KIF4A: variants seen among roughly 807,000 people sequenced by gnomAD.
The protein encoded by KIF4A is chromosome-associated kinesin KIF4A.
KIF4A carries 7 observed loss-of-function variants against 105.9 expected under a neutral mutation model. The observed-to-expected ratio is 0.07, with a 90% confidence interval of 0.04 to 0.12. The LOEUF (loss-of-function observed/expected upper bound fraction) is 0.12, where lower values mean the gene tolerates loss of function less well. Ranked by LOEUF, KIF4A falls within the 10% of genes least tolerant of loss-of-function variation. The pLI is 1.00. For synonymous variants in KIF4A, 281 were observed against 331.3 expected (o/e 0.85, Z 1.65); for missense variants, 558 against 929.2 (o/e 0.60, Z 5.19).
At chrX:70,294,551 C>T (rs964563868) in intron 3 of KIF4A, among the ~76,000 whole-genome samples, 4 of 112,331 alleles carry the variant, frequency 3.6e-5, no homozygotes, top group African/African-American at 9.7e-5. Context: ...AAACATGTAA[C>T]ATGTTGCACT....
intron 28 of KIF4A, among the ~76,000 whole-genome samples, chrX:70,408,396 C>CT (rs1279298220): frequency 8.9e-6 from 1 of 111,888 alleles, no homozygotes; most frequent in East Asian, 2.8e-4. Flanking sequence ...AACAATCCGA[C>CT]TTAGGCATGC....
At chrX:70,308,173 T>C (rs1055704362) in intron 7 of KIF4A, among the ~76,000 whole-genome samples, 5 of 112,365 alleles carry the variant, frequency 4.4e-5, no homozygotes, top group African/African-American at 1.3e-4. Context: ...CGTGGATACC[T>C]CATTTCCCAG....
intron 3 of KIF4A, among the ~76,000 whole-genome samples, chrX:70,296,198 C>T (rs928369232): frequency 3.0e-4 from 31 of 102,746 alleles, no homozygotes; most frequent in African/African-American, 1.1e-3. Flanking sequence ...GATTCTCCTG[C>T]CTCAGCCTCC....
intron 7 of KIF4A, among the ~76,000 whole-genome samples, chrX:70,322,173 A>G (rs766720450): frequency 2.6e-4 from 29 of 109,545 alleles, no homozygotes; most frequent in Non-Finnish European, 4.9e-4. Flanking sequence ...TCGAGCCCCT[A>G]TCTCATAAGT....
At chrX:70,340,415 T>C (rs1465979424) in intron 10 of KIF4A, among the ~76,000 whole-genome samples, 5 of 112,150 alleles carry the variant, frequency 4.5e-5, no homozygotes, top group African/African-American at 6.5e-5. Flanking sequence ...AACTTAAATA[T>C]GATTTTCCCA....
intron 18 of KIF4A, among the ~76,000 whole-genome samples, chrX:70,378,448 G>T (rs1293225249): frequency 8.9e-6 from 1 of 112,002 alleles, no homozygotes; most frequent in African/African-American, 3.2e-5. Flanking sequence ...GTAGAAATAG[G>T]CTGGGCGCGG....
chrX:70,382,790 CA>C (rs752261480), intron 18 of KIF4A, among the ~76,000 whole-genome samples: 1,607 of 54,219 alleles, frequency 0.03, 25 homozygotes, highest in African/African-American at 0.093. Context: ...CCATCTCTAA[CA>C]AAAAAAAAAA....
At chrX:70,322,354 C>T (rs1031260775) in intron 7 of KIF4A, among the ~76,000 whole-genome samples, 16 of 108,616 alleles carry the variant, frequency 1.5e-4, no homozygotes, top group African/African-American at 5.4e-4. Flanking sequence ...CTCTGTCGCC[C>T]AGGCTGAAGT....
intron 7 of KIF4A, among the ~76,000 whole-genome samples, chrX:70,315,209 G>A (rs183626560): frequency 2.7e-5 from 3 of 111,402 alleles, no homozygotes; most frequent in Admixed American, 1.9e-4. Context: ...AGAGGCTTGA[G>A]TTTTCTTGGT....
chrX:70,297,770 C>T (rs1012436650), intron 4 of KIF4A, among the ~76,000 whole-genome samples: 1 of 111,662 alleles, frequency 9.0e-6, no homozygotes, highest in African/African-American at 3.3e-5. Flanking sequence ...TATCTAACTT[C>T]ATAACATCAA....
intron 20 of KIF4A, among the ~76,000 whole-genome samples, chrX:70,391,469 G>A (rs1371602985): frequency 9.0e-6 from 1 of 111,679 alleles, no homozygotes; most frequent in Non-Finnish European, 1.9e-5. Context: ...CCTGATCTTA[G>A]GGGGAAAGCA....
At chrX:70,312,172 T>A (rs2048525483) in intron 7 of KIF4A, among the ~76,000 whole-genome samples, 1 of 90,763 alleles carries the variant, frequency 1.1e-5, no homozygotes, top group Admixed American at 1.4e-4. Flanking sequence ...TAAGACGGAG[T>A]GTCACTCTGT....
At position 70,381,334 on chromosome X, in the gene KIF4A, G is replaced by A. The variant is rs542830873; in HGVS notation, c.2034+5124G>A. 1.3e-3 allele frequency among the ~76,000 whole-genome samples: 147 copies of A among 111,530 alleles called. 2 individuals are homozygous for A. The South Asian group carries it at 0.053, about 41-fold the overall frequency. On this transcript the variant is annotated intron_variant, in intron 18 of 30. Transcript: ENST00000374403. The stretch of plus-strand genomic sequence containing the variant: ...GGGCAGATCACAAGGTAAGGAGCTC[G>A]AGACCAGCCTGGCCAACATAGTGAA...
intron 7 of KIF4A, among the ~76,000 whole-genome samples, chrX:70,318,038 C>T (rs946355716): frequency 5.4e-5 from 6 of 110,159 alleles, no homozygotes; most frequent in African/African-American, 9.9e-5. Context: ...CCACCACACC[C>T]AGCTAATTTT....
At chrX:70,415,262 A>G (rs776580442) in intron 28 of KIF4A, 3 of 217,506 alleles carry the variant, frequency 1.4e-5, no homozygotes, top group Admixed American at 1.3e-4. Context: ...TCATTTATAC[A>G]AAGTTTAGAA....
intron 22 of KIF4A, among the ~76,000 whole-genome samples, chrX:70,398,823 G>A (rs1304740706): frequency 8.9e-6 from 1 of 111,785 alleles, no homozygotes; most frequent in Non-Finnish European, 1.9e-5. Context: ...GAGCTCATGA[G>A]CCAGTGATCA....
intron 14 of KIF4A, 135 bp from the exon 15 acceptor site, chrX:70,353,487 T>C (rs1390761170): frequency 9.7e-6 from 5 of 514,819 alleles, no homozygotes; most frequent in Non-Finnish European, 1.6e-5. Context: ...TTAAAACAAA[T>C]GTATGCAGAG....
chrX:70,315,138 T>C (rs915464509), intron 7 of KIF4A, among the ~76,000 whole-genome samples: 3 of 112,074 alleles, frequency 2.7e-5, no homozygotes, highest in African/African-American at 9.7e-5. Context: ...CCCTCAACAT[T>C]ATGTTCTTGA....
chrX:70,297,486 G>A (rs894407871), intron 4 of KIF4A, among the ~76,000 whole-genome samples: 4 of 112,225 alleles, frequency 3.6e-5, no homozygotes, highest in African/African-American at 6.5e-5. Context: ...GCAGAAGAGT[G>A]TTTGATTTCC....
Sources: gnomAD v4.1 joint callset for allele counts (sites outside exome capture counted in the v4.1 genomes callset) on GRCh38, gnomAD v4.1.1 for gene constraint, MANE v1.5 for transcripts, NCBI Gene and HGNC (gene_info 2026-07-23, HGNC 2026-07-21) for gene names.